CHODL: variants seen among roughly 807,000 people sequenced by gnomAD.
CHODL encodes the protein chondrolectin, also known as transmembrane protein MT75.
A neutral mutation model predicts 34.5 loss-of-function variants in CHODL; 29 were observed. The observed-to-expected ratio is 0.84, with a 90% CI of 0.63 to 1.15. The LOEUF (loss-of-function observed/expected upper bound fraction) is 1.15. CHODL is among the 50% of genes most tolerant of loss of function. The pLI, the probability that CHODL is intolerant of heterozygous loss-of-function variation, is 0.00. For synonymous variants in CHODL, 125 were observed against 116.1 expected, an observed-to-expected ratio of 1.08 and a Z score of -0.49; for missense variants, 332 against 332.5, an observed-to-expected ratio of 1.00 and a Z score of 0.01.
intron 2 of CHODL, among the ~76,000 whole-genome samples, chr21:18,077,867 C>A (rs2064885343): frequency 1.3e-5 from 2 of 152,126 alleles, no homozygotes; most frequent in African/African-American, 4.8e-5. Context: ...AACCTTATTA[C>A]CATCATCAGT....
intron 2 of CHODL, among the ~76,000 whole-genome samples, chr21:18,209,079 C>T (rs2073745895): frequency 6.6e-6 from 1 of 152,172 alleles, no homozygotes; most frequent in African/African-American, 2.4e-5. Context: ...GTGTCAAAGT[C>T]AGCCAGGCTT....
intron 2 of CHODL, among the ~76,000 whole-genome samples, chr21:18,035,645 A>G (rs1172857912): frequency 6.6e-6 from 1 of 151,774 alleles, no homozygotes; most frequent in Non-Finnish European, 1.5e-5. Flanking sequence ...CTTCTTTTTC[A>G]GTCTTTGTTT....
At chr21:18,010,297 C>CAAAAAA (rs71189576) in intron 1 of CHODL, among the ~76,000 whole-genome samples, 17 of 38,742 alleles carry the variant, frequency 4.4e-4, no homozygotes, top group South Asian at 2.0e-3. Context: ...ACTCCCGTCT[C>CAAAAAA]AAAAAAAAAA....
rs1181475353 is a variant in CHODL, at chr21:18,084,464, T to G, written c.-45+56493T>G. On this transcript the variant is annotated intron_variant, in intron 2 of 6. Coordinates refer to the CHODL transcript ENST00000400127. ...ATCCCACAGGTGTTGGTATATTGTG[T>G]TGTCAATTTAACTCACAGAGAAAAA... 2.0e-5 allele frequency among the ~76,000 whole-genome samples: 3 copies of G among 152,308 alleles called. No homozygotes were observed. The South Asian group carries it at 6.2e-4, about 32-fold the overall frequency.
intron 2 of CHODL, among the ~76,000 whole-genome samples, chr21:18,211,491 G>A (rs2073774562): frequency 1.3e-5 from 2 of 152,314 alleles, no homozygotes; most frequent in Middle Eastern, 3.4e-3. Context: ...AATCTCAACA[G>A]GTCAGGAAGA....
intron 2 of CHODL, among the ~76,000 whole-genome samples, chr21:18,210,227 A>C (rs2073758167): frequency 6.6e-6 from 1 of 152,134 alleles, no homozygotes. Context: ...TGTGGTCTCT[A>C]GCTGAGTTAT....
intron 1 of CHODL, among the ~76,000 whole-genome samples, chr21:18,011,623 G>T (rs2146413627): frequency 6.6e-6 from 1 of 152,194 alleles, no homozygotes; most frequent in Non-Finnish European, 1.5e-5. Context: ...TTATTTTTAA[G>T]GGCCCCACTG....
At chr21:18,195,252 C>T (rs2073573038) in intron 2 of CHODL, among the ~76,000 whole-genome samples, 1 of 152,006 alleles carries the variant, frequency 6.6e-6, no homozygotes, top group Admixed American at 6.6e-5. Flanking sequence ...GATGGGGATT[C>T]AATGTGTTAG....
At chr21:18,099,401 A>C (rs1048627507) in intron 2 of CHODL, among the ~76,000 whole-genome samples, 1 of 151,612 alleles carries the variant, frequency 6.6e-6, no homozygotes, top group Admixed American at 6.6e-5. Context: ...AAAAAATTTA[A>C]AAATAATAAT....
rs138115387 is a variant in CHODL at position 18,083,034 on chromosome 21, G to C, written c.-45+55063G>C. Among the ~76,000 whole-genome samples the C allele has an allele frequency of 1.4e-3, 218 of 152,314 alleles. 2 individuals are homozygous for C. Among genetic ancestry groups the C allele is most frequent in the African/African-American group, 5.0e-3 (206 of 41,562 alleles). On this transcript the variant is annotated intron_variant, in intron 2 of 6. Coordinates refer to the CHODL transcript ENST00000400127. ...AGACAATGGAGAAAATGTCTCCAGGGCATATCAGAGATCTTGACAGCAGTC... is the reference window on the plus strand; with the variant it reads ...AGACAATGGAGAAAATGTCTCCAGGCCATATCAGAGATCTTGACAGCAGTC...
At chr21:17,932,703 A>G (rs1243744924) in intron 1 of CHODL, among the ~76,000 whole-genome samples, 1 of 152,198 alleles carries the variant, frequency 6.6e-6, no homozygotes, top group Non-Finnish European at 1.5e-5. Context: ...AAAAACTGCA[A>G]TGGAAAATCA....
At chr21:17,987,005 A>C (rs1212199791) in intron 1 of CHODL, among the ~76,000 whole-genome samples, 1 of 152,200 alleles carries the variant, frequency 6.6e-6, no homozygotes, top group African/African-American at 2.4e-5. Flanking sequence ...AAACATGTGT[A>C]CTTTGAGAAT....
intron 2 of CHODL, among the ~76,000 whole-genome samples, chr21:18,080,417 C>CAGA (rs1314729357): frequency 1.6e-4 from 25 of 152,212 alleles, no homozygotes; most frequent in African/African-American, 6.0e-4. Context: ...GGCCAATGTC[C>CAGA]AGAAGAGTTC....
At chr21:17,986,675 T>C (rs185407064) in intron 1 of CHODL, among the ~76,000 whole-genome samples, 89 of 152,360 alleles carry the variant, frequency 5.8e-4, no homozygotes, top group Non-Finnish European at 1.3e-4. Flanking sequence ...TTTGTGTATA[T>C]ACCCAGTAAT....
At chr21:17,948,146 A>G (rs2063427128) in intron 1 of CHODL, among the ~76,000 whole-genome samples, 1 of 152,116 alleles carries the variant, frequency 6.6e-6, no homozygotes, top group East Asian at 1.9e-4. Flanking sequence ...TGGAAACTAC[A>G]AAAGGTTGAA....
At chr21:18,064,705 C>T (rs1171169664) in intron 2 of CHODL, among the ~76,000 whole-genome samples, 1 of 152,132 alleles carries the variant, frequency 6.6e-6, no homozygotes, top group South Asian at 2.1e-4. Context: ...TGTGAGTTCT[C>T]AGCTTCTATA....
chr21:18,159,320 G>A (rs1329698671), intron 2 of CHODL, among the ~76,000 whole-genome samples: 1 of 152,028 alleles, frequency 6.6e-6, no homozygotes, highest in Non-Finnish European at 1.5e-5. Flanking sequence ...AGATTTAACT[G>A]GTATATAAAG....
intron 1 of CHODL, among the ~76,000 whole-genome samples, chr21:18,000,028 A>G (rs1010726154): frequency 2.0e-5 from 3 of 152,202 alleles, no homozygotes; most frequent in Non-Finnish European, 4.4e-5. Context: ...TATTTTTCCA[A>G]AGAAATTCTC....
chr21:18,103,548 G>C (rs573057628), intron 2 of CHODL, among the ~76,000 whole-genome samples: 1 of 152,128 alleles, frequency 6.6e-6, no homozygotes, highest in Admixed American at 6.6e-5. Context: ...GGCATAGCTG[G>C]TGTTTCCTCA....
Sources: gnomAD v4.1 joint callset for allele counts (sites outside exome capture counted in the v4.1 genomes callset) on GRCh38, gnomAD v4.1.1 for gene constraint, MANE v1.5 for transcripts, NCBI Gene and HGNC (gene_info 2026-07-23, HGNC 2026-07-21) for gene names.